The following ERAP1 variants were observed in gnomAD, a reference collection of about 807,000 sequenced individuals.
ERAP1 encodes adipocyte-derived leucine aminopeptidase.
Under a neutral mutation model 103.7 loss-of-function variants are expected in ERAP1, and 86 were observed. The ratio of observed to expected loss-of-function variants is 0.83; its 90% confidence interval spans 0.70 to 0.99. The LOEUF is 0.99. Ranked by LOEUF, ERAP1 falls within the 50% of genes least tolerant of loss-of-function variation. ERAP1 has a pLI of 0.00. For synonymous variants in ERAP1, 398 were observed against 402.4 expected (o/e 0.99, Z 0.13); for missense variants, 1,009 against 1,128.4 (o/e 0.89, Z 1.52).
downstream of ERAP1, chr5:96,772,955 T>G (rs1326157857): frequency 1.3e-5 from 2 of 153,880 alleles, no homozygotes; most frequent in Non-Finnish European, 2.9e-5. Context: ...CTAAGTGAAT[T>G]TTTGCACATT....
At chr5:96,894,536 T>G in the ERAP1 span, among the ~76,000 whole-genome samples, 1 of 152,110 alleles carries the variant, frequency 6.6e-6, no homozygotes, top group Non-Finnish European at 1.5e-5. Flanking sequence ...ATAGACTAAA[T>G]AAATAAAACA....
upstream of ERAP1, among the ~76,000 whole-genome samples, chr5:96,810,517 G>C (rs958493823): frequency 2.0e-4 from 30 of 152,324 alleles, no homozygotes; most frequent in Non-Finnish European, 4.3e-4. Flanking sequence ...CAGAGTCAAA[G>C]AGAAAACACA....
the ERAP1 span, among the ~76,000 whole-genome samples, chr5:96,910,447 G>A: frequency 6.9e-6 from 1 of 145,610 alleles, no homozygotes; most frequent in African/African-American, 2.5e-5. Flanking sequence ...CCTGAAATCA[G>A]TTTTAGAAAA....
chr5:96,934,569 A>G, the ERAP1 span: 2 of 152,292 alleles, frequency 1.3e-5, no homozygotes, highest in African/African-American at 4.8e-5. Context: ...TGCAGTTGGT[A>G]TCCACTGGAA....
chr5:96,913,522 G>A, the ERAP1 span: 1 of 1,547,390 alleles, frequency 6.5e-7, no homozygotes, highest in South Asian at 1.1e-5. Context: ...CTCAAACCAA[G>A]TGTAATCAAA....
At chr5:96,800,502 A>G (rs993942151) in intron 3 of ERAP1, among the ~76,000 whole-genome samples, 1 of 152,236 alleles carries the variant, frequency 6.6e-6, no homozygotes, top group African/African-American at 2.4e-5. Context: ...CTTATTGACA[A>G]AGCATTACCT....
At chr5:96,855,629 G>A in the ERAP1 span, among the ~76,000 whole-genome samples, 1 of 152,166 alleles carries the variant, frequency 6.6e-6, no homozygotes, top group South Asian at 2.1e-4. Context: ...AGAAAAGGGC[G>A]ATGGCATTTT....
At chr5:96,907,883 CAA>C in the ERAP1 span, among the ~76,000 whole-genome samples, 68 of 147,836 alleles carry the variant, frequency 4.6e-4, no homozygotes, top group African/African-American at 1.5e-3. Context: ...AACTCTGTCT[CAA>C]AAAAAAAAAA....
chr5:96,774,910 T>C lies in ERAP1; in HGVS notation c.*1486A>G. On this transcript the variant is annotated 3_prime_UTR_variant, in exon 19 of 19. Transcript: ENST00000443439. ...GTATTAGGGGAACACATTTTGACATTTTTCGTACCAATCATCAATCATATT... is the reference window on the plus strand; with the variant it reads ...GTATTAGGGGAACACATTTTGACATCTTTCGTACCAATCATCAATCATATT... 2.0e-6 allele frequency: 2 copies of C among 985,538 alleles called. No homozygotes were observed. Among genetic ancestry groups the C allele is most frequent in the South Asian group, 9.4e-5 (2 of 21,284 alleles). 61.0% of individuals were successfully genotyped at this position (985,538 alleles called of 1,614,324 possible). A position where few individuals can be genotyped will look rare whatever the true frequency, so the allele number is the denominator to read the frequency against.
the ERAP1 span, among the ~76,000 whole-genome samples, chr5:96,925,911 C>CTTTT: frequency 6.3e-4 from 67 of 105,650 alleles, 1 homozygote; most frequent in Middle Eastern, 6.2e-3. Context: ...GTATAATTTG[C>CTTTT]TTTTTTTTTT....
intron 19 of ERAP1, among the ~76,000 whole-genome samples, chr5:96,768,778 G>A (rs17086665): frequency 0.096 from 14,543 of 151,998 alleles, 834 homozygotes; most frequent in African/African-American, 0.15. Context: ...CATTCCTCAG[G>A]GCACAGCTCA....
chr5:96,915,224 G>A, the ERAP1 span, among the ~76,000 whole-genome samples: 82,247 of 151,738 alleles, frequency 0.54, 22,351 homozygotes, highest in Admixed American at 0.59. Context: ...GGTCAGGCAG[G>A]TCTCAAACTC....
At chr5:96,814,379 A>G in the ERAP1 span, 1 of 455,630 alleles carries the variant, frequency 2.2e-6, no homozygotes, top group Non-Finnish European at 4.4e-6. Context: ...AACTTAGATT[A>G]CGTCTGCCAC....
the ERAP1 span, among the ~76,000 whole-genome samples, chr5:96,860,643 G>C: frequency 6.6e-6 from 1 of 152,130 alleles, no homozygotes; most frequent in Non-Finnish European, 1.5e-5. Context: ...GTGTAAGGGG[G>C]TCTAGGAAGG....
At chr5:96,902,189 C>T in the ERAP1 span, 1 of 926,408 alleles carries the variant, frequency 1.1e-6, no homozygotes, top group South Asian at 1.4e-5. Context: ...ACTTAGGTGC[C>T]TTTTACAGTC....
chr5:96,926,905 C>T, the ERAP1 span, among the ~76,000 whole-genome samples: 1 of 152,194 alleles, frequency 6.6e-6, no homozygotes, highest in Non-Finnish European at 1.5e-5. Flanking sequence ...CAGCCTCGAT[C>T]TCCCAGGCTC....
At chr5:96,767,418 T>C (rs777870786) in intron 19 of ERAP1, 4 of 1,604,278 alleles carry the variant, frequency 2.5e-6, no homozygotes, top group Non-Finnish European at 2.6e-6. Context: ...GCTTAACCAA[T>C]AGTCTGCCTT....
chr5:96,769,341 G>T (rs1306272200), intron 19 of ERAP1: 2 of 148,830 alleles, frequency 1.3e-5, no homozygotes, highest in Non-Finnish European at 3.0e-5. Flanking sequence ...GCTTTCCTCG[G>T]TTGTTTCCCA....
At chr5:96,885,011 G>A in the ERAP1 span, among the ~76,000 whole-genome samples, 17 of 152,076 alleles carry the variant, frequency 1.1e-4, no homozygotes, top group Admixed American at 6.6e-5. Context: ...CCCCATACAC[G>A]TCTATTTAAG....
Sources: gnomAD v4.1 joint callset for allele counts (sites outside exome capture counted in the v4.1 genomes callset) on GRCh38, gnomAD v4.1.1 for gene constraint, MANE v1.5 for transcripts, NCBI Gene and HGNC (gene_info 2026-07-23, HGNC 2026-07-21) for gene names.